GLIS3: variants seen among roughly 807,000 people sequenced by gnomAD.
The protein encoded by GLIS3 is GLIS family zinc finger 3.
GLIS3 carries 53 observed loss-of-function variants against 78.6 expected under a neutral mutation model. The observed-to-expected ratio is 0.67, with a 90% CI of 0.54 to 0.85. GLIS3 has a LOEUF of 0.85. Among genes scored for constraint, GLIS3 ranks in the 40% least tolerant of loss-of-function variants. The probability of loss-of-function intolerance (pLI) is 0.00; values close to 1 mark genes in which losing one functional copy is unlikely to be tolerated. For missense variants in GLIS3, 1,703 were observed against 1,231.1 expected, an observed-to-expected ratio of 1.38 and a Z score of -5.74; for synonymous variants, 684 against 509.9, an observed-to-expected ratio of 1.34 and a Z score of -4.60.
At chr9:4,437,553 C>A in the GLIS3 span, among the ~76,000 whole-genome samples, 1 of 152,104 alleles carries the variant, frequency 6.6e-6, no homozygotes, top group Non-Finnish European at 1.5e-5. Context: ...TGTGGCATAG[C>A]GAGAGATTTG....
chr9:4,153,876 T>G (rs1015370887), intron 2 of GLIS3, among the ~76,000 whole-genome samples: 1 of 152,256 alleles, frequency 6.6e-6, no homozygotes, highest in Non-Finnish European at 1.5e-5. Flanking sequence ...CTTGTGGTTC[T>G]AGGGGTTGAC....
chr9:4,000,989 T>G (rs929853012), intron 4 of GLIS3, among the ~76,000 whole-genome samples: 2 of 152,132 alleles, frequency 1.3e-5, no homozygotes, highest in Non-Finnish European at 1.5e-5. Flanking sequence ...CCTTTGCCTG[T>G]GAGATTTTTG....
intron 8 of GLIS3, among the ~76,000 whole-genome samples, chr9:3,860,448 C>A (rs1188271358): frequency 6.6e-6 from 1 of 152,110 alleles, no homozygotes; most frequent in Non-Finnish European, 1.5e-5. Flanking sequence ...TCAGCCCCAA[C>A]CCCCTGTTAT....
intron 2 of GLIS3, among the ~76,000 whole-genome samples, chr9:4,325,170 T>G (rs879572612): frequency 6.6e-6 from 1 of 152,172 alleles, no homozygotes; most frequent in Non-Finnish European, 1.5e-5. Context: ...TCTCTATACT[T>G]GAATGCATAA....
intron 2 of GLIS3, among the ~76,000 whole-genome samples, chr9:4,229,299 A>AT (rs1822051310): frequency 6.6e-6 from 1 of 152,228 alleles, no homozygotes; most frequent in Admixed American, 6.5e-5. Flanking sequence ...CTTTCAAAAG[A>AT]TTTTAAGAAT....
At chr9:4,067,244 T>C (rs1827179804) in intron 4 of GLIS3, among the ~76,000 whole-genome samples, 1 of 151,736 alleles carries the variant, frequency 6.6e-6, no homozygotes, top group Admixed American at 6.6e-5. Flanking sequence ...TAATAGAAAG[T>C]ATAATACTTT....
chr9:4,435,426 C>A, the GLIS3 span, among the ~76,000 whole-genome samples: 1 of 152,172 alleles, frequency 6.6e-6, no homozygotes, highest in Non-Finnish European at 1.5e-5. Flanking sequence ...TTTTCACTTG[C>A]ATGTGGAGCA....
rs138674422 is a variant in GLIS3, at chr9:4,059,804, TTG to T, written c.1710+57962_1710+57963del. ...GGGCTTGTCACTTACTCAGCTTTAT[TTG>T]TGTGTGTGTGTGTGTGTGTGTGTGA... is the stretch of plus-strand genomic sequence containing the variant. On this transcript the variant is annotated intron_variant, in intron 4 of 10. Coordinates refer to ENST00000381971, the MANE Select transcript of GLIS3 (RefSeq NM_001042413.2). Among the ~76,000 whole-genome samples, 346 of 107,696 alleles carry T rather than the reference TTG, an allele frequency of 3.2e-3. 1 individual carries two copies. The highest frequency in any genetic ancestry group is 0.025 in the East Asian group (80 of 3,258). 70.7% of individuals were successfully genotyped at this position (107,696 alleles called of 152,430 possible). A position where few individuals can be genotyped will look rare whatever the true frequency, so the allele number is the denominator to read the frequency against.
intron 2 of GLIS3, among the ~76,000 whole-genome samples, chr9:4,148,403 G>T (rs1010221202): frequency 2.0e-5 from 3 of 152,026 alleles, no homozygotes; most frequent in African/African-American, 4.8e-5. Context: ...TCAAAGATCA[G>T]CTCAAATGCT....
At chr9:3,867,724 TG>T (rs1820683467) in intron 8 of GLIS3, among the ~76,000 whole-genome samples, 1 of 135,634 alleles carries the variant, frequency 7.4e-6, no homozygotes, top group Non-Finnish European at 1.6e-5. Context: ...CTTGTGTGTG[TG>T]TGTGCGTGCG....
chr9:3,979,475 A>T (rs1819062347), intron 4 of GLIS3, among the ~76,000 whole-genome samples: 1 of 152,162 alleles, frequency 6.6e-6, no homozygotes. Flanking sequence ...ATGCCATTTC[A>T]TTGCTCTGCA....
At chr9:4,285,937 A>C (rs766333133) in intron 2 of GLIS3, 101 bp downstream of exon 2, 8 of 1,388,872 alleles carry the variant, frequency 5.8e-6, no homozygotes, top group Non-Finnish European at 7.1e-6. Flanking sequence ...TGACCCTGAC[A>C]CTGAATCATG....
At chr9:4,009,412 G>A (rs1412026638) in intron 4 of GLIS3, among the ~76,000 whole-genome samples, 1 of 152,184 alleles carries the variant, frequency 6.6e-6, no homozygotes, top group African/African-American at 2.4e-5. Flanking sequence ...TGCCACTCAA[G>A]AAGATGGGCG....
intron 4 of GLIS3, among the ~76,000 whole-genome samples, chr9:4,046,613 G>C (rs1001233493): frequency 6.6e-6 from 1 of 152,148 alleles, no homozygotes; most frequent in Non-Finnish European, 1.5e-5. Context: ...GAATTAGGTA[G>C]GTAATAAATC....
chr9:4,067,721 G>C (rs1470637965), intron 4 of GLIS3, among the ~76,000 whole-genome samples: 1 of 151,664 alleles, frequency 6.6e-6, no homozygotes, highest in African/African-American at 2.4e-5. Flanking sequence ...ACATGGTAAA[G>C]ACATGAATTG....
intron 7 of GLIS3, among the ~76,000 whole-genome samples, chr9:3,891,891 G>A (rs1822479752): frequency 6.6e-6 from 1 of 152,156 alleles, no homozygotes; most frequent in Non-Finnish European, 1.5e-5. Context: ...AGGCATCCCT[G>A]TGAACCAGCC....
the GLIS3 span, among the ~76,000 whole-genome samples, chr9:4,397,065 T>A: frequency 5.2e-4 from 72 of 138,034 alleles, 1 homozygote; most frequent in East Asian, 9.2e-3. Context: ...TCGCTCTGTC[T>A]CCCAGGCTGG....
intron 2 of GLIS3, chr9:4,152,230 G>A: frequency 2.1e-6 from 1 of 466,366 alleles, no homozygotes; most frequent in Non-Finnish European, 2.8e-6. Flanking sequence ...CTAGAAATCA[G>A]AAGTGACTGG....
chr9:4,165,065 G>T (rs1835773835), intron 2 of GLIS3, among the ~76,000 whole-genome samples: 1 of 152,130 alleles, frequency 6.6e-6, no homozygotes, highest in Admixed American at 6.5e-5. Flanking sequence ...ACTGTGAGAG[G>T]CTCTAACATA....
Sources: allele counts gnomAD v4.1 joint callset (sites outside exome capture counted in the v4.1 genomes callset), GRCh38; gene constraint gnomAD v4.1.1; transcripts MANE v1.5; gene names NCBI Gene and HGNC (gene_info 2026-07-23, HGNC 2026-07-21).